The following ADARB2 variants were observed in gnomAD, a reference collection of about 807,000 sequenced individuals.
The protein encoded by ADARB2 is adenosine deaminase RNA specific B2 (inactive), also known as inactive double-stranded RNA-specific editase B2.
In ADARB2, 25 loss-of-function variants were observed where a neutral mutation model predicts 62.2. That is an observed-to-expected ratio of 0.40 (90% confidence interval 0.29 to 0.56). ADARB2 has a LOEUF of 0.56. Ranked by LOEUF, ADARB2 falls within the 20% of genes least tolerant of loss-of-function variation. The probability of loss-of-function intolerance (pLI) is 0.43; values close to 1 mark genes in which losing one functional copy is unlikely to be tolerated. For synonymous variants in ADARB2, 572 were observed against 500.8 expected, an observed-to-expected ratio of 1.14 and a Z score of -1.90; for missense variants, 1,071 against 1,077.4, an observed-to-expected ratio of 0.99 and a Z score of 0.08.
At chr10:1,277,932 GCTTCCTTC>G (rs112142041) in intron 3 of ADARB2, among the ~76,000 whole-genome samples, 11,864 of 151,468 alleles carry the variant, frequency 0.078, 1,507 homozygotes, top group African/African-American at 0.27. Context: ...CTTTCTTTCT[GCTTCCTTC>G]CTTCCTTCCT....
intron 1 of ADARB2, among the ~76,000 whole-genome samples, chr10:1,382,086 C>T (rs1014049315): frequency 3.9e-5 from 6 of 152,142 alleles, no homozygotes; most frequent in African/African-American, 1.2e-4. Flanking sequence ...ATCAATTCAT[C>T]GCATTGTACA....
intron 4 of ADARB2, among the ~76,000 whole-genome samples, chr10:1,269,476 G>C (rs1166887122): frequency 6.6e-6 from 1 of 152,166 alleles, no homozygotes; most frequent in Non-Finnish European, 1.5e-5. Context: ...CCATGGGCTA[G>C]GTAACTTTCT....
At chr10:1,561,658 TG>T (rs376996903) in intron 1 of ADARB2, among the ~76,000 whole-genome samples, 1 of 152,152 alleles carries the variant, frequency 6.6e-6, no homozygotes, top group African/African-American at 2.4e-5. Context: ...ATGCAGCTGC[TG>T]GGCCTGATCC....
rs540079223 is a variant in ADARB2, at chr10:1,363,288, C to T, written c.817G>A (p.Ala273Thr). The change falls in exon 3 of 10, where the codon GCC (alanine) becomes ACC (threonine). Residue 273 changes from alanine to threonine, a missense_variant. Coordinates refer to ENST00000381312, the MANE Select transcript of ADARB2 (RefSeq NM_018702.4). ...LVGPTPATPA[A>T]PGERNPVVLL... ...ACCACGGGGTTGCGCTCGCCCGGGG[C>T]CGCGGGGGTGGCGGGGGTCGGGCCC... 4.4e-4 allele frequency: 543 copies of T among 1,238,626 alleles called. 3 individuals carry two copies. The African/African-American group carries it at 7.8e-3, about 18-fold the overall frequency. 76.7% of individuals were successfully genotyped at this position (1,238,626 alleles called of 1,614,324 possible). A position where few individuals can be genotyped will look rare whatever the true frequency, so the allele number is the denominator to read the frequency against.
chr10:1,277,202 G>A (rs1010694776), intron 3 of ADARB2, among the ~76,000 whole-genome samples: 28 of 152,224 alleles, frequency 1.8e-4, no homozygotes, highest in African/African-American at 6.3e-4. Flanking sequence ...AAGAACTAGA[G>A]ACACAAGAGC....
intron 3 of ADARB2, among the ~76,000 whole-genome samples, chr10:1,356,469 C>T (rs936451372): frequency 6.6e-6 from 1 of 152,210 alleles, no homozygotes; most frequent in Admixed American, 6.5e-5. Flanking sequence ...GAACTTCACA[C>T]AGCCCCAACG....
intron 1 of ADARB2, among the ~76,000 whole-genome samples, chr10:1,498,584 C>T (rs1214945458): frequency 6.6e-6 from 1 of 151,890 alleles, no homozygotes; most frequent in Non-Finnish European, 1.5e-5. Flanking sequence ...TGGAAATCAT[C>T]CATCTATGTT....
chr10:1,195,357 C>A (rs1022814636), intron 8 of ADARB2, among the ~76,000 whole-genome samples: 2 of 150,668 alleles, frequency 1.3e-5, no homozygotes, highest in African/African-American at 4.9e-5. Flanking sequence ...CTTCAGGGAA[C>A]CATCATTCAG....
Position 1,529,977 on chromosome 10 carries a change from C to A in ADARB2, c.101-150817G>T, listed in dbSNP as rs113791350. 7.2e-3 allele frequency among the ~76,000 whole-genome samples: 1,094 copies of A among 152,292 alleles called. 14 individuals carry two copies. The highest frequency in any genetic ancestry group is 0.025 in the African/African-American group (1,036 of 41,540). ...TGCCACTGTGGGCACCCATCCACTG[C>A]TCCTGCCACTGTGGGCACCCGTCAA... On this transcript the variant is annotated intron_variant, in intron 1 of 9. Coordinates refer to ENST00000381312, the MANE Select transcript of ADARB2 (RefSeq NM_018702.4).
chr10:1,451,943 TA>T (rs1327342471), intron 1 of ADARB2, among the ~76,000 whole-genome samples: 2 of 152,304 alleles, frequency 1.3e-5, no homozygotes, highest in African/African-American at 2.4e-5. Context: ...AATGAGTGGA[TA>T]TTTTTTTTTA....
chr10:1,421,114 A>T, intron 1 of ADARB2, among the ~76,000 whole-genome samples: 1 of 151,948 alleles, frequency 6.6e-6, no homozygotes, highest in Admixed American at 6.6e-5. Flanking sequence ...TCAGGTCCCC[A>T]GGATGGTGGG....
At chr10:1,446,361 G>A (rs1171027561) in intron 1 of ADARB2, among the ~76,000 whole-genome samples, 1 of 152,200 alleles carries the variant, frequency 6.6e-6, no homozygotes, top group Admixed American at 6.5e-5. Context: ...TAGCACCCCA[G>A]CTTTCTGGAC....
At chr10:1,639,129 G>A (rs1833948427) in intron 1 of ADARB2, among the ~76,000 whole-genome samples, 1 of 152,250 alleles carries the variant, frequency 6.6e-6, no homozygotes, top group South Asian at 2.1e-4. Flanking sequence ...GAGAATGGGA[G>A]GGCCATGGTC....
intron 7 of ADARB2, among the ~76,000 whole-genome samples, chr10:1,203,247 C>G (rs747707693): frequency 7.9e-5 from 12 of 152,134 alleles, no homozygotes; most frequent in Non-Finnish European, 1.0e-4. Context: ...TGGGGAAGGT[C>G]TTGGAAAAAG....
chr10:1,499,166 A>G (rs1250117479), intron 1 of ADARB2, among the ~76,000 whole-genome samples: 1 of 151,562 alleles, frequency 6.6e-6, no homozygotes, highest in East Asian at 1.9e-4. Flanking sequence ...ATTACTCATC[A>G]TTCATCATTC....
rs559854812 is a variant in ADARB2, at chr10:1,321,381, CTTTTAA to C, written c.1077+41641_1077+41646del. Among the ~76,000 whole-genome samples the C allele has an allele frequency of 7.8e-4, 118 of 152,240 alleles. 1 individual carries two copies. In the South Asian group the frequency reaches 0.022, roughly 29 times the overall value. ...CTCAGATACAGAAGTATGCTACTAA[CTTTTAA>C]TTTTAATTTTTTAGAGACAGGGTCT... On this transcript the variant is annotated intron_variant, in intron 3 of 9. Transcript: ENST00000381312.
At chr10:1,680,270 C>T (rs755202053) in intron 1 of ADARB2, among the ~76,000 whole-genome samples, 5 of 152,112 alleles carry the variant, frequency 3.3e-5, no homozygotes, top group Admixed American at 6.5e-5. Flanking sequence ...GGTGTTCTGG[C>T]CAATTCTGAA....
intron 1 of ADARB2, among the ~76,000 whole-genome samples, chr10:1,621,416 C>G (rs1833702639): frequency 6.9e-6 from 1 of 144,308 alleles, no homozygotes; most frequent in Non-Finnish European, 1.5e-5. Context: ...CTTTTTCTTT[C>G]TTTCTTTTTT....
chr10:1,669,425 C>A (rs1220934232), intron 1 of ADARB2, among the ~76,000 whole-genome samples: 3 of 152,100 alleles, frequency 2.0e-5, no homozygotes, highest in Non-Finnish European at 4.4e-5. Context: ...CACACAGACA[C>A]ACACACAGAC....
Sources: gnomAD v4.1 joint callset for allele counts (sites outside exome capture counted in the v4.1 genomes callset) on GRCh38, gnomAD v4.1.1 for gene constraint, MANE v1.5 for transcripts, NCBI Gene and HGNC (gene_info 2026-07-23, HGNC 2026-07-21) for gene names.